TMTC2: variants seen among roughly 807,000 people sequenced by gnomAD.
The protein encoded by TMTC2 is transmembrane O-mannosyltransferase targeting cadherins 2.
Under a neutral mutation model 82.4 loss-of-function variants are expected in TMTC2, and 43 were observed. The observed-to-expected ratio is 0.52, with a 90% CI of 0.41 to 0.67. The LOEUF is 0.67. Ranked by LOEUF, TMTC2 falls within the 30% of genes least tolerant of loss-of-function variation. The pLI is 0.00. For missense variants in TMTC2, 919 were observed against 1,012.4 expected, an observed-to-expected ratio of 0.91 and a Z score of 1.25; for synonymous variants, 408 against 381.9, an observed-to-expected ratio of 1.07 and a Z score of -0.80.
chr12:82,938,102 C>T (rs1458536041), intron 4 of TMTC2, among the ~76,000 whole-genome samples: 3 of 151,338 alleles, frequency 2.0e-5, no homozygotes, highest in East Asian at 2.0e-4. Flanking sequence ...TTAGTAGAGA[C>T]GGGGTTTCGC....
intron 11 of TMTC2, among the ~76,000 whole-genome samples, chr12:83,107,913 TG>T (rs1265743747): frequency 6.6e-6 from 1 of 151,978 alleles, no homozygotes; most frequent in Non-Finnish European, 1.5e-5. Context: ...AGGGGCCCGG[TG>T]GGAGGTGACT....
chr12:82,908,960 A>T (rs1260115328), intron 3 of TMTC2, among the ~76,000 whole-genome samples: 1 of 152,142 alleles, frequency 6.6e-6, no homozygotes, highest in African/African-American at 2.4e-5. Context: ...CTCTGCTACA[A>T]TTGTAGTTTT....
intron 8 of TMTC2, among the ~76,000 whole-genome samples, chr12:82,998,543 A>G (rs1440849418): frequency 5.3e-5 from 8 of 152,194 alleles, no homozygotes; most frequent in Non-Finnish European, 1.2e-4. Context: ...TCTTAAGCAA[A>G]TTGTAATTAT....
chr12:82,902,469 T>C (rs937776409), intron 3 of TMTC2, among the ~76,000 whole-genome samples: 8 of 152,236 alleles, frequency 5.3e-5, no homozygotes, highest in Admixed American at 4.6e-4. Context: ...AGTTCACTGA[T>C]GGTTCCAAGA....
chr12:83,070,778 G>A (rs1181365867), intron 11 of TMTC2, among the ~76,000 whole-genome samples: 1 of 152,116 alleles, frequency 6.6e-6, no homozygotes, highest in African/African-American at 2.4e-5. Flanking sequence ...CCAGTTCTCA[G>A]AGGGAATGCT....
chr12:83,072,739 A>C (rs1429497077), intron 11 of TMTC2, among the ~76,000 whole-genome samples: 2 of 152,152 alleles, frequency 1.3e-5, no homozygotes. Flanking sequence ...AAGGCCTTTT[A>C]CCATTATATA....
At position 82,965,580 on chromosome 12, in the gene TMTC2, A is replaced by G. The variant is rs748853052; in HGVS notation, c.1705A>G (p.Ile569Val). ...CTCAGCTGCATATTTAAATACCGGT[A>G]TTATTCTAATGAACCAAGGAAGGAC... ...TLASAYLNTGIILMNQGRTEE... is the reference protein window; with the variant it reads ...TLASAYLNTGVILMNQGRTEE... Residue 569 changes from isoleucine (I) to valine (V), a missense_variant, in exon 6 of 12, where the codon ATT (isoleucine) becomes GTT (valine). Transcript: ENST00000321196. 1.2e-6 allele frequency: 2 copies of G among 1,613,632 alleles called. No individual in the cohort carries two copies. Among genetic ancestry groups the G allele is most frequent in the Non-Finnish European group, 1.7e-6 (2 of 1,179,664 alleles).
In TMTC2 at chr12:82,763,202, CAAG is replaced by C. The variant is rs1876747067; in HGVS notation, c.83+75536_83+75538del. 3.6e-5 allele frequency among the ~76,000 whole-genome samples: 5 copies of C among 139,400 alleles called. No individual in the cohort carries two copies. The Admixed American group carries it at 3.6e-4, about 10-fold the overall frequency. The allele number at this position is 139,400 out of a possible 152,430, so 91.5% of individuals were successfully genotyped here. A position where few individuals can be genotyped will look rare whatever the true frequency, so the allele number is the denominator to read the frequency against. Reference sequence around the variant, plus strand: ...AAGCATAGAAGCTAGAAAAAAAAAACAAGAAAAAAATAATTAAGATATAAAATC... The same window carrying C: ...AAGCATAGAAGCTAGAAAAAAAAAACAAAAAAATAATTAAGATATAAAATC... On this transcript the variant is annotated intron_variant, in intron 1 of 11. Coordinates refer to ENST00000321196, the MANE Select transcript of TMTC2 (RefSeq NM_152588.3).
chr12:82,912,408 C>G (rs1023959292), intron 3 of TMTC2, among the ~76,000 whole-genome samples: 4 of 151,810 alleles, frequency 2.6e-5, no homozygotes, highest in Non-Finnish European at 5.9e-5. Flanking sequence ...TTCTGCTCTT[C>G]TTACCTCTCC....
At chr12:83,043,490 G>T (rs369785935) in intron 9 of TMTC2, among the ~76,000 whole-genome samples, 1 of 152,156 alleles carries the variant, frequency 6.6e-6, no homozygotes, top group Non-Finnish European at 1.5e-5. Context: ...GAAAAAGTCC[G>T]CAGGTACAGA....
At chr12:82,934,346 A>G (rs1876201322) in intron 4 of TMTC2, among the ~76,000 whole-genome samples, 3 of 152,128 alleles carry the variant, frequency 2.0e-5, no homozygotes, top group Non-Finnish European at 2.9e-5. Flanking sequence ...CGTCATCTAC[A>G]TTAGTTATTT....
intron 7 of TMTC2, among the ~76,000 whole-genome samples, chr12:82,976,075 C>G (rs771232087): frequency 5.9e-5 from 9 of 152,122 alleles, no homozygotes; most frequent in Non-Finnish European, 1.0e-4. Flanking sequence ...ACACACACCA[C>G]ACTCACACGT....
chr12:82,832,815 A>G (rs995368750), intron 1 of TMTC2, among the ~76,000 whole-genome samples: 1 of 152,236 alleles, frequency 6.6e-6, no homozygotes, highest in African/African-American at 2.4e-5. Context: ...AAAAGGAGGA[A>G]AAAGGGACGG....
intron 1 of TMTC2, among the ~76,000 whole-genome samples, chr12:82,746,811 T>C (rs1054711965): frequency 6.6e-6 from 1 of 152,166 alleles, no homozygotes; most frequent in Non-Finnish European, 1.5e-5. Flanking sequence ...CTCACTCTGC[T>C]ATTGCCAGTT....
chr12:82,948,484 A>AT (rs1049807567), intron 4 of TMTC2, among the ~76,000 whole-genome samples: 11 of 152,166 alleles, frequency 7.2e-5, no homozygotes, highest in African/African-American at 2.4e-5. Context: ...CAAGCAAAAA[A>AT]ATATATATAT....
chr12:83,056,864 T>C (rs1565871766), intron 10 of TMTC2, among the ~76,000 whole-genome samples: 1 of 151,896 alleles, frequency 6.6e-6, no homozygotes, highest in Non-Finnish European at 1.5e-5. Context: ...CCCTGTGCCT[T>C]TCCGGTATTA....
chr12:83,038,252 C>T (rs926731985), intron 9 of TMTC2, among the ~76,000 whole-genome samples: 2 of 151,506 alleles, frequency 1.3e-5, no homozygotes, highest in Non-Finnish European at 2.9e-5. Flanking sequence ...CTAACCTGCA[C>T]GTTGTGCACA....
At chr12:82,946,315 T>C (rs757279360) in intron 4 of TMTC2, among the ~76,000 whole-genome samples, 7 of 152,338 alleles carry the variant, frequency 4.6e-5, no homozygotes, top group African/African-American at 1.7e-4. Flanking sequence ...ATGTGTTCAA[T>C]AAATAATAGT....
intron 1 of TMTC2, among the ~76,000 whole-genome samples, chr12:82,739,449 G>A (rs943500240): frequency 2.6e-5 from 4 of 151,924 alleles, no homozygotes; most frequent in Admixed American, 2.0e-4. Context: ...CAATATGATG[G>A]CTGTACCTAG....
Sources: allele counts gnomAD v4.1 joint callset (sites outside exome capture counted in the v4.1 genomes callset), GRCh38; gene constraint gnomAD v4.1.1; transcripts MANE v1.5; gene names NCBI Gene and HGNC (gene_info 2026-07-23, HGNC 2026-07-21).